CSN3: variants seen among roughly 807,000 people sequenced by gnomAD.
CSN3 encodes the protein kappa-casein.
CSN3 carries 7 observed loss-of-function variants against 9.9 expected under a neutral mutation model. The observed-to-expected ratio is 0.71, with a 90% CI of 0.40 to 1.33. CSN3 has a LOEUF of 1.33. Among genes scored for constraint, CSN3 ranks in the 40% most tolerant of loss-of-function variants. The pLI is 0.01. For synonymous variants in CSN3, 88 were observed against 82.3 expected (o/e 1.07, Z -0.37); for missense variants, 253 against 227.9 (o/e 1.11, Z -0.71).
chr4:70,245,092 C>T (rs1730353436), intron 2 of CSN3, among the ~76,000 whole-genome samples: 1 of 151,950 alleles, frequency 6.6e-6, no homozygotes, highest in Admixed American at 6.6e-5. Flanking sequence ...TAAGAAATCA[C>T]ACTTAATCAT....
intron 3 of CSN3, among the ~76,000 whole-genome samples, chr4:70,248,256 C>G (rs148031527): frequency 2.7e-4 from 41 of 152,172 alleles, no homozygotes; most frequent in African/African-American, 8.2e-4. Flanking sequence ...CCTTTCGTTT[C>G]CCAAATATGT....
intron 4 of CSN3, 23 bp downstream of exon 4, chr4:70,249,516 G>A: frequency 7.7e-7 from 1 of 1,307,046 alleles, no homozygotes; most frequent in Non-Finnish European, 1.1e-6. Context: ...TATATAAAAT[G>A]AGTAATTCCG....
upstream of CSN3, among the ~76,000 whole-genome samples, chr4:70,238,921 A>T (rs1305409926): frequency 6.6e-6 from 1 of 151,844 alleles, no homozygotes; most frequent in Non-Finnish European, 1.5e-5. Flanking sequence ...ATGTTTGGAA[A>T]TAGAAGATTC....
At chr4:70,246,369 C>G (rs931697522) in intron 2 of CSN3, among the ~76,000 whole-genome samples, 5 of 152,000 alleles carry the variant, frequency 3.3e-5, no homozygotes, top group Admixed American at 2.6e-4. Flanking sequence ...ATTAAAAAGG[C>G]CACTGGTATA....
intron 3 of CSN3, 79 bp downstream of exon 3, chr4:70,247,929 C>A: frequency 9.9e-7 from 1 of 1,014,424 alleles, no homozygotes; most frequent in Non-Finnish European, 1.4e-6. Flanking sequence ...ATTATAGATG[C>A]CTTCTGTCTA....
exon 4 of CSN3, chr4:70,249,274 C>A (rs767703318): frequency 6.2e-7 from 1 of 1,614,104 alleles, no homozygotes; most frequent in Non-Finnish European, 8.5e-7. Flanking sequence ...TGCCATCCCC[C>A]CAAAGAAAAT....
chr4:70,249,563 C>A (rs1332012209), intron 4 of CSN3, 70 bp downstream of exon 4: 4 of 914,702 alleles, frequency 4.4e-6, no homozygotes, highest in Non-Finnish European at 6.5e-6. Context: ...ACCATAAATT[C>A]TAAAATAGTA....
At position 70,248,906 on chromosome 4, in the gene CSN3, A is replaced by C. The variant is rs901000680; in HGVS notation, c.88-92A>C. 5 of 868,668 alleles carry C rather than the reference A, an allele frequency of 5.8e-6. No individual in the cohort carries two copies. In the Admixed American group the frequency reaches 1.1e-4, roughly 20 times the overall value. The allele number at this position is 868,668 out of a possible 1,614,324, so 53.8% of individuals were successfully genotyped here. A position where few individuals can be genotyped will look rare whatever the true frequency, so the allele number is the denominator to read the frequency against. On this transcript the variant is annotated intron_variant, in intron 3 of 4. Transcript: ENST00000304954. ...ACTTCTAATATCTTACTCAATGGTA[A>C]ATACTATATTATTTCAAAAAATGCA...
chr4:70,247,732 C>T, intron 2 of CSN3, 86 bp from the exon 3 acceptor site: 1 of 1,135,802 alleles, frequency 8.8e-7, no homozygotes, highest in South Asian at 1.5e-5. Flanking sequence ...TTGTCTTTAA[C>T]ACAAAAGATT....
At chr4:70,249,271 C>A in exon 4 of CSN3, 1 of 1,614,054 alleles carries the variant, frequency 6.2e-7, no homozygotes, top group Non-Finnish European at 8.5e-7. Context: ...TATTGCCATC[C>A]CCCCAAAGAA....
intron 3 of CSN3, 99 bp downstream of exon 3, chr4:70,247,949 T>C: frequency 1.3e-6 from 1 of 789,174 alleles, no homozygotes; most frequent in Non-Finnish European, 2.0e-6. Flanking sequence ...AAAACCTAAA[T>C]ATTTCATTTC....
chr4:70,248,651 A>G (rs973442466), intron 3 of CSN3, among the ~76,000 whole-genome samples: 1 of 152,102 alleles, frequency 6.6e-6, no homozygotes, highest in Non-Finnish European at 1.5e-5. Context: ...AAAGTTCTCA[A>G]TGAGATTTTT....
intron 2 of CSN3, among the ~76,000 whole-genome samples, chr4:70,246,537 A>G (rs1225259745): frequency 6.6e-6 from 1 of 152,050 alleles, no homozygotes; most frequent in Non-Finnish European, 1.5e-5. Flanking sequence ...GAGACACCAC[A>G]TTTCCTATAA....
intron 4 of CSN3, among the ~76,000 whole-genome samples, chr4:70,250,906 A>G (rs41523244): frequency 0.11 from 17,377 of 152,194 alleles, 1,315 homozygotes; most frequent in East Asian, 0.27. Context: ...CAGGATATCC[A>G]TTAAGAAAAA....
At chr4:70,249,337 A>G (rs1226859746) in exon 4 of CSN3, 1 of 1,614,026 alleles carries the variant, frequency 6.2e-7, no homozygotes, top group African/African-American at 1.3e-5. Context: ...TGTTGAACCT[A>G]CACCAGCTCC....
At chr4:70,241,794 A>C (rs1215288971), upstream of CSN3, among the ~76,000 whole-genome samples, 1 of 152,026 alleles carries the variant, frequency 6.6e-6, no homozygotes, top group Admixed American at 6.6e-5. Context: ...AAAAAAGTTT[A>C]TTCATAAGAG....
rs752077228 is a variant in CSN3, at chr4:70,249,462, A to C, written c.*3A>C. 3.1e-6 allele frequency: 5 copies of C among 1,604,754 alleles called. No individual in the cohort carries two copies. The East Asian group carries it at 1.1e-4, about 36-fold the overall frequency. ...CAGTTACTCCACCTACGGCATAAAA[A>C]CACCAAGGAAATATCAAAGAACACA... On this transcript the variant is annotated 3_prime_UTR_variant, in exon 4 of 5. Transcript: ENST00000304954.
At chr4:70,249,486 C>A (rs1730445196) in exon 4 of CSN3, 1 of 1,543,388 alleles carries the variant, frequency 6.5e-7, no homozygotes, top group East Asian at 2.3e-5. Flanking sequence ...TCAAAGAACA[C>A]AACGCAGGTA....
chr4:70,238,815 G>C (rs1578250867), upstream of CSN3, among the ~76,000 whole-genome samples: 1 of 151,848 alleles, frequency 6.6e-6, no homozygotes, highest in East Asian at 1.9e-4. Flanking sequence ...ATGACCTATA[G>C]GAGTCACCAG....
Sources: allele counts gnomAD v4.1 joint callset (sites outside exome capture counted in the v4.1 genomes callset), GRCh38; gene constraint gnomAD v4.1.1; transcripts MANE v1.5; gene names NCBI Gene and HGNC (gene_info 2026-07-23, HGNC 2026-07-21).